The following NRF1 variants were observed in gnomAD, a reference collection of about 807,000 sequenced individuals.
NRF1 encodes nuclear respiratory factor 1.
A neutral mutation model predicts 58.5 loss-of-function variants in NRF1; 5 were observed. The ratio of observed to expected loss-of-function variants is 0.09; its 90% CI spans 0.04 to 0.18. The LOEUF is 0.18. NRF1 is among the 10% of genes least tolerant of loss of function. NRF1 has a pLI of 1.00. For synonymous variants in NRF1, 224 were observed against 246.7 expected, an observed-to-expected ratio of 0.91 and a Z score of 0.86; for missense variants, 288 against 657.7, an observed-to-expected ratio of 0.44 and a Z score of 6.15.
intron 1 of NRF1, among the ~76,000 whole-genome samples, chr7:129,619,433 T>TATATACACACACAC (rs1554401492): frequency 1.5e-5 from 1 of 65,874 alleles, no homozygotes; most frequent in African/African-American, 8.2e-5. Flanking sequence ...TATATATATA[T>TATATACACACACAC]ACACACACAC....
chr7:129,619,425 T>TGC lies in NRF1; in HGVS notation c.-7+7601_-7+7602insGC, dbSNP rs1800728357. Among the ~76,000 whole-genome samples, 3 of 82,570 alleles carry TGC rather than the reference T, an allele frequency of 3.6e-5. No individual in the cohort carries two copies. The East Asian group carries it at 1.4e-3, about 38-fold the overall frequency. The allele number at this position is 82,570 out of a possible 152,430, so 54.2% of individuals were successfully genotyped here. A position where few individuals can be genotyped will look rare whatever the true frequency, so the allele number is the denominator to read the frequency against. Reference sequence around the variant, plus strand: ...ATATATATATATATATATATATATATATATATATACACACACACACACATA... The same window carrying TGC: ...ATATATATATATATATATATATATATGCATATATATACACACACACACACATA... On this transcript the variant is annotated intron_variant, in intron 1 of 10. Coordinates refer to ENST00000393232, the MANE Select transcript of NRF1 (RefSeq NM_005011.5).
intron 5 of NRF1, among the ~76,000 whole-genome samples, chr7:129,695,830 G>A (rs889791797): frequency 1.3e-5 from 2 of 151,126 alleles, no homozygotes; most frequent in Non-Finnish European, 2.9e-5. Flanking sequence ...GGCATTATAG[G>A]TGATTTTCAT....
intron 10 of NRF1, among the ~76,000 whole-genome samples, chr7:129,728,921 A>G (rs1269456254): frequency 2.0e-5 from 3 of 152,178 alleles, no homozygotes; most frequent in Non-Finnish European, 4.4e-5. Context: ...TCAGGATGAA[A>G]TGGACCATGG....
chr7:129,684,094 C>T (rs1802390587), intron 4 of NRF1, among the ~76,000 whole-genome samples: 2 of 151,954 alleles, frequency 1.3e-5, no homozygotes, highest in Admixed American at 1.3e-4. Flanking sequence ...AAGAAAGAAA[C>T]TCCATCTAGC....
At chr7:129,723,428 A>C (rs1445237649) in intron 9 of NRF1, among the ~76,000 whole-genome samples, 1 of 150,884 alleles carries the variant, frequency 6.6e-6, no homozygotes, top group Non-Finnish European at 1.5e-5. Flanking sequence ...GGGCAACAAG[A>C]GCGAAACTCT....
chr7:129,674,070 G>A (rs1802119742), intron 3 of NRF1, among the ~76,000 whole-genome samples: 1 of 152,030 alleles, frequency 6.6e-6, no homozygotes, highest in Non-Finnish European at 1.5e-5. Flanking sequence ...TAACCCAGGA[G>A]GCGGAGGCTG....
chr7:129,708,909 A>G (rs1584661061), intron 5 of NRF1, among the ~76,000 whole-genome samples, 166 bp from the exon 6 acceptor site: 1 of 152,262 alleles, frequency 6.6e-6, no homozygotes, highest in South Asian at 2.1e-4. Context: ...CCACCCATGG[A>G]GATATAGGAA....
At chr7:129,711,668 C>A in intron 8 of NRF1, 92 bp downstream of exon 8, 1 of 930,262 alleles carries the variant, frequency 1.1e-6, no homozygotes, top group Non-Finnish European at 1.6e-6. Flanking sequence ...GCCTGCATGT[C>A]TGCGGCACTC....
intron 1 of NRF1, among the ~76,000 whole-genome samples, chr7:129,656,938 C>T (rs1013350034): frequency 6.6e-6 from 1 of 152,198 alleles, no homozygotes; most frequent in Non-Finnish European, 1.5e-5. Context: ...ATTTGACTCT[C>T]ACTCGTCTTT....
chr7:129,754,199 G>A (rs962291754), intron 10 of NRF1, among the ~76,000 whole-genome samples: 1 of 151,742 alleles, frequency 6.6e-6, no homozygotes, highest in African/African-American at 2.4e-5. Context: ...GGTGGTTCAC[G>A]CCTGTAATCC....
At chr7:129,695,664 C>T (rs1338672833) in intron 5 of NRF1, among the ~76,000 whole-genome samples, 4 of 145,250 alleles carry the variant, frequency 2.8e-5, no homozygotes, top group Non-Finnish European at 4.5e-5. Flanking sequence ...TTTTCTCTTT[C>T]TTTTGGGAGA....
chr7:129,647,319 G>A (rs1233410212), intron 1 of NRF1, among the ~76,000 whole-genome samples: 2 of 151,848 alleles, frequency 1.3e-5, no homozygotes, highest in African/African-American at 2.4e-5. Context: ...CACCATGCCT[G>A]GCGCTTACAG....
chr7:129,750,583 C>T (rs141858447), intron 10 of NRF1, among the ~76,000 whole-genome samples: 164 of 152,270 alleles, frequency 1.1e-3, no homozygotes, highest in African/African-American at 3.7e-3. Context: ...CCAAGGCATG[C>T]GAGGTTATGA....
intron 1 of NRF1, among the ~76,000 whole-genome samples, chr7:129,614,443 T>TTGTGTG (rs56403369): frequency 0.013 from 1,921 of 145,842 alleles, 25 homozygotes; most frequent in South Asian, 0.04. Flanking sequence ...AAATATGTAT[T>TTGTGTG]TGTGTGTGTG....
chr7:129,656,786 A>G (rs925752264), intron 1 of NRF1, among the ~76,000 whole-genome samples: 1 of 152,172 alleles, frequency 6.6e-6, no homozygotes, highest in African/African-American at 2.4e-5. Flanking sequence ...CATGTTGGCC[A>G]GGCTGGTCTC....
At chr7:129,701,829 A>C (rs1463034070) in intron 5 of NRF1, among the ~76,000 whole-genome samples, 2 of 152,208 alleles carry the variant, frequency 1.3e-5, no homozygotes, top group African/African-American at 4.8e-5. Flanking sequence ...AATGTTTATC[A>C]GTAGGGGAAT....
chr7:129,735,732 G>A (rs1437545662), intron 10 of NRF1, among the ~76,000 whole-genome samples: 1 of 152,036 alleles, frequency 6.6e-6, no homozygotes, highest in Non-Finnish European at 1.5e-5. Flanking sequence ...AAGACCACCG[G>A]GCGCGGTGGC....
intron 7 of NRF1, among the ~76,000 whole-genome samples, chr7:129,710,888 C>T (rs1803057641): frequency 6.6e-6 from 1 of 151,976 alleles, no homozygotes; most frequent in African/African-American, 2.4e-5. Flanking sequence ...AGTGATTCTC[C>T]CTCCTCAGCC....
chr7:129,630,848 A>T (rs886841029), intron 1 of NRF1, among the ~76,000 whole-genome samples: 2 of 152,182 alleles, frequency 1.3e-5, no homozygotes, highest in Admixed American at 1.3e-4. Context: ...GTAGATTAAT[A>T]AAAAGATTGA....
Sources: allele counts gnomAD v4.1 joint callset (sites outside exome capture counted in the v4.1 genomes callset), GRCh38; gene constraint gnomAD v4.1.1; transcripts MANE v1.5; gene names NCBI Gene and HGNC (gene_info 2026-07-23, HGNC 2026-07-21).